TRIM2: variants seen among roughly 807,000 people sequenced by gnomAD.
TRIM2 encodes the protein tripartite motif-containing protein 2.
TRIM2 carries 20 observed loss-of-function variants against 75.2 expected under a neutral mutation model. The ratio of observed to expected loss-of-function variants is 0.27; its 90% CI spans 0.19 to 0.39. The LOEUF (loss-of-function observed/expected upper bound fraction) is 0.39, where lower values mean the gene tolerates loss of function less well. Among genes scored for constraint, TRIM2 ranks in the 10% least tolerant of loss-of-function variants. TRIM2 has a pLI of 1.00. For missense variants in TRIM2, 660 were observed against 990.8 expected, an observed-to-expected ratio of 0.67 and a Z score of 4.48; for synonymous variants, 373 against 388.3, an observed-to-expected ratio of 0.96 and a Z score of 0.46.
chr4:153,172,414 C>T (rs1730982025), intron 1 of TRIM2, among the ~76,000 whole-genome samples: 1 of 152,120 alleles, frequency 6.6e-6, no homozygotes, highest in Admixed American at 6.5e-5. Context: ...GTCTCGATCT[C>T]CTGACCCCAT....
Position 153,322,700 on chromosome 4 carries a change from GCAATGGGCA to G in TRIM2, c.1838_1846del (p.Asn613_His615del). ...GGACCCAAAGGAGTTTCTGTGGACC[GCAATGGGCA>G]CATTATTGTTGTGGACAACAAGGCG... is the stretch of plus-strand genomic sequence containing the variant. On this transcript the variant is annotated inframe_deletion, in exon 9 of 12. Transcript: ENST00000338700. 6.2e-7 allele frequency: 1 copy of G among 1,614,126 alleles called. No homozygotes were observed. Among genetic ancestry groups the G allele is most frequent in the South Asian group, 1.1e-5 (1 of 91,078 alleles).
chr4:153,287,011 C>T (rs1760794685), intron 3 of TRIM2, among the ~76,000 whole-genome samples: 1 of 151,572 alleles, frequency 6.6e-6, no homozygotes, highest in Admixed American at 6.6e-5. Context: ...GATGGTCTTG[C>T]TCTGTTTCCC....
chr4:153,171,569 G>A (rs1249230201), intron 1 of TRIM2, among the ~76,000 whole-genome samples: 2 of 152,100 alleles, frequency 1.3e-5, no homozygotes, highest in African/African-American at 4.8e-5. Context: ...CTAGGCAACA[G>A]AGCGAGACTC....
chr4:153,277,085 A>C (rs1758194061), intron 3 of TRIM2, among the ~76,000 whole-genome samples: 1 of 152,204 alleles, frequency 6.6e-6, no homozygotes, highest in Non-Finnish European at 1.5e-5. Flanking sequence ...AGAGCAAAGC[A>C]ATTCTTATTA....
chr4:153,197,540 G>A (rs1319178564), intron 1 of TRIM2, among the ~76,000 whole-genome samples: 1 of 152,136 alleles, frequency 6.6e-6, no homozygotes, highest in Middle Eastern at 3.2e-3. Context: ...TTTGGGAGGT[G>A]ATTAGCTCAT....
chr4:153,335,200 A>G lies in TRIM2; in HGVS notation c.*234A>G. On this transcript the variant is annotated 3_prime_UTR_variant, in exon 12 of 12. Coordinates refer to ENST00000338700, the MANE Select transcript of TRIM2 (RefSeq NM_015271.5). ...CTGAATCTATAAAAACTGCAGTTTT[A>G]CATCTGTGAACTATGGCTTAAGGGA... 8.3e-7 allele frequency: 1 copy of G among 1,207,906 alleles called. No homozygotes were observed. Among genetic ancestry groups the G allele is most frequent in the East Asian group, 3.5e-5 (1 of 28,644 alleles). 74.8% of individuals were successfully genotyped at this position (1,207,906 alleles called of 1,614,324 possible). A position where few individuals can be genotyped will look rare whatever the true frequency, so the allele number is the denominator to read the frequency against.
chr4:153,323,721 T>C (rs1295066489), intron 9 of TRIM2, among the ~76,000 whole-genome samples: 1 of 152,114 alleles, frequency 6.6e-6, no homozygotes, highest in Non-Finnish European at 1.5e-5. Context: ...TGGTGGGAGC[T>C]GAGGGCTCTA....
At chr4:153,259,240 AT>A (rs945964018) in intron 1 of TRIM2, among the ~76,000 whole-genome samples, 67 of 151,888 alleles carry the variant, frequency 4.4e-4, no homozygotes, top group African/African-American at 1.4e-3. Flanking sequence ...CAATGACTTA[AT>A]TTTTTTTTAT....
chr4:153,337,187 G>A lies in TRIM2; in HGVS notation c.*2221G>A. On this transcript the variant is annotated 3_prime_UTR_variant, in exon 12 of 12. Coordinates refer to ENST00000338700, the MANE Select transcript of TRIM2 (RefSeq NM_015271.5). ...TTTCAAATTGGTTACATTAATTTTA[G>A]TTTATTTTCACAAGTAAAAATGGCT... The A allele has an allele frequency of 1.0e-6, 1 of 985,364 alleles. No homozygotes were observed. The highest frequency in any genetic ancestry group is 1.2e-6 in the Non-Finnish European group (1 of 829,868). The allele number at this position is 985,364 out of a possible 1,614,324, so 61.0% of individuals were successfully genotyped here.
chr4:153,275,392 C>T (rs1302703216), intron 2 of TRIM2, among the ~76,000 whole-genome samples: 1 of 152,176 alleles, frequency 6.6e-6, no homozygotes, highest in Non-Finnish European at 1.5e-5. Context: ...TTTTATATCT[C>T]ATTATGATTT....
intron 10 of TRIM2, among the ~76,000 whole-genome samples, chr4:153,327,662 AC>A (rs1442052318): frequency 2.0e-5 from 3 of 152,160 alleles, no homozygotes; most frequent in South Asian, 4.1e-4. Flanking sequence ...ATTAACATTT[AC>A]TTTTTTCAAA....
chr4:153,221,675 G>A (rs1397049309), intron 1 of TRIM2, among the ~76,000 whole-genome samples: 4 of 151,006 alleles, frequency 2.6e-5, no homozygotes, highest in African/African-American at 9.8e-5. Flanking sequence ...AAGGGAGGAA[G>A]GTAAGGAAGG....
At chr4:153,326,543 A>G (rs1348000630) in intron 10 of TRIM2, among the ~76,000 whole-genome samples, 1 of 152,264 alleles carries the variant, frequency 6.6e-6, no homozygotes, top group Non-Finnish European at 1.5e-5. Flanking sequence ...CAAGGGGTCT[A>G]GTTAGCTTCT....
At position 153,328,627 on chromosome 4, in the gene TRIM2, A is replaced by ATGGAAACATCATTGTGGCCGACTGGGG. The variant is rs748010003; in HGVS notation, c.2121_2147dup (p.Gly708_Gly716dup). ...CCAACAGGTGTAGCAGTGGATTCAA[A>ATGGAAACATCATTGTGGCCGACTGGGG]TGGAAACATCATTGTGGCCGACTGG... On this transcript the variant is annotated inframe_insertion, in exon 11 of 12. Coordinates refer to ENST00000338700, the MANE Select transcript of TRIM2 (RefSeq NM_015271.5). The ATGGAAACATCATTGTGGCCGACTGGGG allele has an allele frequency of 1.2e-6, 2 of 1,612,010 alleles. No individual in the cohort carries two copies. Among genetic ancestry groups the ATGGAAACATCATTGTGGCCGACTGGGG allele is most frequent in the Non-Finnish European group, 1.7e-6 (2 of 1,179,152 alleles).
chr4:153,163,636 G>A (rs1729983907), intron 1 of TRIM2, among the ~76,000 whole-genome samples: 1 of 150,172 alleles, frequency 6.7e-6, no homozygotes, highest in Non-Finnish European at 1.5e-5. Flanking sequence ...GGAGTAGCTG[G>A]GATTACAGGC....
At chr4:153,176,306 A>C (rs1030656038) in intron 1 of TRIM2, among the ~76,000 whole-genome samples, 1 of 152,150 alleles carries the variant, frequency 6.6e-6, no homozygotes, top group Admixed American at 6.5e-5. Flanking sequence ...ATAAAAAATT[A>C]GCCAAGTGCA....
At position 153,295,570 on chromosome 4, in the gene TRIM2, C is replaced by T. The variant is rs199866418; in HGVS notation, c.1044C>T (p.Thr348=). The T allele has an allele frequency of 2.2e-5, 36 of 1,613,420 alleles. No individual in the cohort carries two copies. The East Asian group carries it at 5.4e-4, about 24-fold the overall frequency. Residue 348 remains threonine (T), a synonymous_variant, in exon 6 of 12, where the codon ACC becomes ACT. Coordinates refer to ENST00000338700, the MANE Select transcript of TRIM2 (RefSeq NM_015271.5). The surrounding 1 kb of genome is among the most constrained non-coding windows in gnomAD (Gnocchi z 7.2). ...ACAACCTCGGGACGATCTTAACCACCAACGCCGTTGCCTCAGAGACAGTGG... is the reference window on the plus strand; with the variant it reads ...ACAACCTCGGGACGATCTTAACCACTAACGCCGTTGCCTCAGAGACAGTGG... ...SIHNLGTILT[T]NAVASETVAT...
intron 3 of TRIM2, among the ~76,000 whole-genome samples, chr4:153,283,382 T>C (rs978843911): frequency 6.6e-6 from 1 of 152,226 alleles, no homozygotes; most frequent in African/African-American, 2.4e-5. Flanking sequence ...TTATGGTATA[T>C]TAGTACTCTT....
At position 153,244,346 on chromosome 4, in the gene TRIM2, T is replaced by C. The variant is rs1291986869; in HGVS notation, c.31-25989T>C. 3.5e-4 allele frequency among the ~76,000 whole-genome samples: 12 copies of C among 34,666 alleles called. 2 individuals are homozygous for C. The highest frequency in any genetic ancestry group is 1.3e-3 in the South Asian group (1 of 748). 22.7% of individuals were successfully genotyped at this position (34,666 alleles called of 152,430 possible). On this transcript the variant is annotated intron_variant, in intron 1 of 11. Transcript: ENST00000338700. The stretch of plus-strand genomic sequence containing the variant: ...CTTCTTCTTCTTCTTCTTCTTCTTC[T>C]TCTTCTTCCTCTTCTTCTTCTTCTT...
Sources: allele counts gnomAD v4.1 joint callset (sites outside exome capture counted in the v4.1 genomes callset), GRCh38; gene constraint gnomAD v4.1.1; non-coding constraint Gnocchi (gnomAD v3.1); transcripts MANE v1.5; gene names NCBI Gene and HGNC (gene_info 2026-07-23, HGNC 2026-07-21).